Variants in THRAP3 observed in about 807,000 individuals in gnomAD.
THRAP3 encodes thyroid hormone receptor-associated protein 3.
THRAP3 carries 16 observed loss-of-function variants against 101.0 expected under a neutral mutation model. The observed-to-expected ratio is 0.16, with a 90% confidence interval of 0.11 to 0.24. The LOEUF (loss-of-function observed/expected upper bound fraction) is 0.24, where lower values mean the gene tolerates loss of function less well. Among genes scored for constraint, THRAP3 ranks in the 10% least tolerant of loss-of-function variants. The pLI is 1.00. For synonymous variants in THRAP3, 407 were observed against 422.6 expected, an observed-to-expected ratio of 0.96 and a Z score of 0.45; for missense variants, 989 against 1,202.7, an observed-to-expected ratio of 0.82 and a Z score of 2.63.
intron 2 of THRAP3, among the ~76,000 whole-genome samples, chr1:36,261,254 C>T (rs989904751): frequency 4.6e-5 from 7 of 151,870 alleles, no homozygotes; most frequent in East Asian, 1.9e-4. Flanking sequence ...AAAATTAGGC[C>T]GGGTGCGGTG....
chr1:36,276,009 A>G (rs1570311417), intron 2 of THRAP3, among the ~76,000 whole-genome samples: 1 of 152,132 alleles, frequency 6.6e-6, no homozygotes, highest in Non-Finnish European at 1.5e-5. Flanking sequence ...ACAGAGTGAA[A>G]CCCTGTCTCT....
At chr1:36,239,625 G>A (rs578171889) in intron 1 of THRAP3, among the ~76,000 whole-genome samples, 1 of 152,256 alleles carries the variant, frequency 6.6e-6, no homozygotes, top group South Asian at 2.1e-4. Flanking sequence ...GTTCTGGGTA[G>A]GTTAATCACT....
chr1:36,291,598 G>C, intron 6 of THRAP3, 52 bp downstream of exon 6: 1 of 1,583,342 alleles, frequency 6.3e-7, no homozygotes, highest in Non-Finnish European at 8.6e-7. Flanking sequence ...CTTAGAAGAA[G>C]GATGAATGAT....
intron 11 of THRAP3, 133 bp downstream of exon 11, chr1:36,301,829 A>AAGTACACAT: frequency 8.9e-7 from 1 of 1,124,568 alleles, no homozygotes; most frequent in Non-Finnish European, 1.3e-6. Context: ...GGGCATGTGT[A>AAGTACACAT]CTTGCATAGT....
intron 5 of THRAP3, among the ~76,000 whole-genome samples, chr1:36,290,897 C>T (rs1350325834): frequency 6.6e-6 from 1 of 152,198 alleles, no homozygotes; most frequent in Non-Finnish European, 1.5e-5. Flanking sequence ...TCTATGTGAA[C>T]AGCATTCCAG....
intron 8 of THRAP3, among the ~76,000 whole-genome samples, chr1:36,295,803 C>G (rs1009374434): frequency 2.0e-5 from 3 of 151,866 alleles, no homozygotes; most frequent in African/African-American, 7.3e-5. Flanking sequence ...TCTTTGGACT[C>G]AGTACTCAGA....
Position 36,250,424 on chromosome 1 carries a change from G to A in THRAP3, c.-134-8958G>A, listed in dbSNP as rs540590082. ...AGACCAGGTTTCACTATGTTGGCCG[G>A]GATGGTCTGGATCTCCTGACCTTGT... is the stretch of plus-strand genomic sequence containing the variant. On this transcript the variant is annotated intron_variant, in intron 1 of 11. Transcript: ENST00000354618. 1.6e-4 allele frequency among the ~76,000 whole-genome samples: 24 copies of A among 151,940 alleles called. No individual in the cohort carries two copies. The East Asian group carries it at 4.3e-3, about 27-fold the overall frequency.
chr1:36,293,317 C>T (rs1645902411), intron 7 of THRAP3, among the ~76,000 whole-genome samples: 1 of 152,216 alleles, frequency 6.6e-6, no homozygotes, highest in African/African-American at 2.4e-5. Flanking sequence ...GCGTGAGCCA[C>T]TGCGCCCAGC....
At chr1:36,252,900 C>G (rs1257249111) in intron 1 of THRAP3, among the ~76,000 whole-genome samples, 1 of 140,660 alleles carries the variant, frequency 7.1e-6, no homozygotes, top group African/African-American at 2.6e-5. Context: ...GAGTGAGACT[C>G]TGTCTCAAAA....
chr1:36,214,624 C>A, the THRAP3 span, among the ~76,000 whole-genome samples: 1 of 151,962 alleles, frequency 6.6e-6, no homozygotes, highest in Non-Finnish European at 1.5e-5. Context: ...TCTGGAAGGC[C>A]GAGGTGGGTG....
intron 1 of THRAP3, among the ~76,000 whole-genome samples, chr1:36,232,271 G>C (rs1645036389): frequency 6.6e-6 from 1 of 152,070 alleles, no homozygotes; most frequent in South Asian, 2.1e-4. Context: ...GGCATAAGAT[G>C]ACCCTTTACA....
chr1:36,267,048 AT>A (rs1645523919), intron 2 of THRAP3, among the ~76,000 whole-genome samples: 1 of 151,772 alleles, frequency 6.6e-6, no homozygotes, highest in African/African-American at 2.4e-5. Context: ...GCCCGGCTAA[AT>A]TTTTTTGTAT....
At chr1:36,301,112 C>T in intron 10 of THRAP3, 28 bp downstream of exon 10, 2 of 1,606,934 alleles carry the variant, frequency 1.2e-6, no homozygotes, top group South Asian at 1.1e-5. Flanking sequence ...CCCCCTTTCT[C>T]TGAGACCCTT....
At chr1:36,223,226 G>GA (rs756561590), upstream of THRAP3, among the ~76,000 whole-genome samples, 7 of 152,158 alleles carry the variant, frequency 4.6e-5, no homozygotes, top group Non-Finnish European at 8.8e-5. Flanking sequence ...AAAGAAGGAA[G>GA]AAAGAGTAAG....
At chr1:36,290,808 C>T (rs1242267270) in intron 5 of THRAP3, among the ~76,000 whole-genome samples, 103 of 152,144 alleles carry the variant, frequency 6.8e-4, no homozygotes, top group Non-Finnish European at 7.4e-5. Flanking sequence ...ACCCCTTGTC[C>T]CCTGAACTTT....
At chr1:36,217,370 A>C in the THRAP3 span, among the ~76,000 whole-genome samples, 1 of 151,946 alleles carries the variant, frequency 6.6e-6, no homozygotes, top group Non-Finnish European at 1.5e-5. Context: ...CAGGTCACTC[A>C]AGGAGAGAGG....
chr1:36,250,523 C>T (rs1236391953), intron 1 of THRAP3, among the ~76,000 whole-genome samples: 2 of 151,990 alleles, frequency 1.3e-5, no homozygotes, highest in Non-Finnish European at 2.9e-5. Context: ...ATTTAGCATC[C>T]TCTGTGTTCT....
At position 36,304,131 on chromosome 1, in the gene THRAP3, C is replaced by A; in HGVS notation, c.*114C>A. 1 of 1,400,900 alleles carries A rather than the reference C, an allele frequency of 7.1e-7. No homozygotes were observed. The highest frequency in any genetic ancestry group is 9.4e-7 in the Non-Finnish European group (1 of 1,061,222). The allele number at this position is 1,400,900 out of a possible 1,614,324, so 86.8% of individuals were successfully genotyped here. A position where few individuals can be genotyped will look rare whatever the true frequency, so the allele number is the denominator to read the frequency against. On this transcript the variant is annotated 3_prime_UTR_variant, in exon 12 of 12. Transcript: ENST00000354618. ...TTCTGAAAATCCTACCCCCACCCCC[C>A]ACCAGCCGCACAGATTGTACTACCG...
chr1:36,253,761 T>TTTTTTG (rs3045028), intron 1 of THRAP3, among the ~76,000 whole-genome samples: 3 of 9,234 alleles, frequency 3.2e-4, no homozygotes, highest in Non-Finnish European at 1.7e-3. Flanking sequence ...GTCAGGCTAA[T>TTTTTTG]TTTTTTTTTT....
Sources: allele counts gnomAD v4.1 joint callset (sites outside exome capture counted in the v4.1 genomes callset), GRCh38; gene constraint gnomAD v4.1.1; transcripts MANE v1.5; gene names NCBI Gene and HGNC (gene_info 2026-07-23, HGNC 2026-07-21).